Variants in UNC13C observed in about 807,000 individuals in gnomAD.
The protein encoded by UNC13C is unc-13 homolog C.
Under a neutral mutation model 245.4 loss-of-function variants are expected in UNC13C, and 174 were observed. The ratio of observed to expected loss-of-function variants is 0.71; its 90% CI spans 0.63 to 0.80. The LOEUF (loss-of-function observed/expected upper bound fraction) is 0.80. UNC13C is among the 30% of genes least tolerant of loss of function. The pLI, the probability that UNC13C is intolerant of heterozygous loss-of-function variation, is 0.00. For missense variants in UNC13C, 2,829 were observed against 2,602.9 expected (o/e 1.09, Z -1.89); for synonymous variants, 992 against 895.1 (o/e 1.11, Z -1.93).
chr15:54,113,788 T>C (rs568761760), intron 2 of UNC13C, among the ~76,000 whole-genome samples: 1 of 152,094 alleles, frequency 6.6e-6, no homozygotes, highest in Non-Finnish European at 1.5e-5. Context: ...ATCGCACCAC[T>C]GCACTCCAGC....
chr15:53,928,003 G>A, the UNC13C span, among the ~76,000 whole-genome samples: 1 of 152,140 alleles, frequency 6.6e-6, no homozygotes, highest in African/African-American at 2.4e-5. Flanking sequence ...AGAAATAATA[G>A]TTTATTAAAG....
At chr15:54,449,545 C>T (rs557383719) in intron 19 of UNC13C, among the ~76,000 whole-genome samples, 6 of 152,146 alleles carry the variant, frequency 3.9e-5, no homozygotes, top group Non-Finnish European at 8.8e-5. Context: ...TCACTGATAC[C>T]CTTTCTTCCA....
the UNC13C span, among the ~76,000 whole-genome samples, chr15:53,907,182 G>A: frequency 3.9e-5 from 6 of 152,054 alleles, no homozygotes; most frequent in South Asian, 8.3e-4. Context: ...TTTTCTTTGG[G>A]TGTATGAACT....
intron 24 of UNC13C, 87 bp from the exon 25 acceptor site, chr15:54,525,462 C>A: frequency 1.2e-6 from 1 of 831,114 alleles, no homozygotes; most frequent in Non-Finnish European, 1.8e-6. Flanking sequence ...TTTGAAGTTA[C>A]CATATAATAA....
chr15:54,582,247 A>G (rs988189961), intron 30 of UNC13C, among the ~76,000 whole-genome samples: 1 of 152,156 alleles, frequency 6.6e-6, no homozygotes, highest in African/African-American at 2.4e-5. Flanking sequence ...TCAAGCAAGC[A>G]AAGGAGAAAG....
chr15:54,338,285 A>G lies in UNC13C; in HGVS notation c.4585-76A>G, dbSNP rs994333510. 1.4e-5 allele frequency: 20 copies of G among 1,422,970 alleles called. No individual in the cohort carries two copies. In the Admixed American group the frequency reaches 3.4e-4, roughly 24 times the overall value. 88.1% of individuals were successfully genotyped at this position (1,422,970 alleles called of 1,614,324 possible). On this transcript the variant is annotated intron_variant, in intron 16 of 32. Coordinates refer to ENST00000260323, the MANE Select transcript of UNC13C (RefSeq NM_001080534.3). Reference sequence around the variant, plus strand: ...AATCGACTGAAAGTATTTATTGAATATATATTTGAGTAGTTTATACTAGAT... The same window carrying G: ...AATCGACTGAAAGTATTTATTGAATGTATATTTGAGTAGTTTATACTAGAT...
At chr15:53,934,620 G>A in the UNC13C span, among the ~76,000 whole-genome samples, 1 of 152,168 alleles carries the variant, frequency 6.6e-6, no homozygotes, top group Non-Finnish European at 1.5e-5. Context: ...GTCGTAGAAG[G>A]TATATGTCTT....
intron 2 of UNC13C, among the ~76,000 whole-genome samples, chr15:54,134,448 G>A (rs2141221180): frequency 6.6e-6 from 1 of 152,144 alleles, no homozygotes; most frequent in Non-Finnish European, 1.5e-5. Flanking sequence ...GCGTTTGTGT[G>A]TGTATACACA....
At chr15:54,496,725 C>A (rs1474895961) in intron 20 of UNC13C, among the ~76,000 whole-genome samples, 1 of 151,640 alleles carries the variant, frequency 6.6e-6, no homozygotes, top group African/African-American at 2.4e-5. Context: ...AATGGAAAAC[C>A]AAACATTATA....
chr15:54,101,374 C>T (rs1487883747), intron 2 of UNC13C, among the ~76,000 whole-genome samples: 2 of 152,038 alleles, frequency 1.3e-5, no homozygotes, highest in Admixed American at 6.6e-5. Flanking sequence ...AGAGATGTTT[C>T]CTTTTGTTCT....
chr15:54,357,299 A>T (rs549251473), intron 17 of UNC13C, among the ~76,000 whole-genome samples: 1 of 152,072 alleles, frequency 6.6e-6, no homozygotes, highest in Non-Finnish European at 1.5e-5. Context: ...ATTATGAAGT[A>T]TAGAGCAGAA....
intron 17 of UNC13C, among the ~76,000 whole-genome samples, chr15:54,359,798 G>C (rs2039187685): frequency 6.6e-6 from 1 of 151,612 alleles, no homozygotes. Context: ...TGAAAACCAA[G>C]TCTTGGTTTT....
At chr15:54,332,339 T>TGTGTGTGTGTG (rs763306749) in intron 15 of UNC13C, among the ~76,000 whole-genome samples, 39 of 91,060 alleles carry the variant, frequency 4.3e-4, no homozygotes, top group African/African-American at 1.6e-3. Context: ...GTGTGTGTGT[T>TGTGTGTGTGTG]TGTGTATGCA....
intron 19 of UNC13C, among the ~76,000 whole-genome samples, chr15:54,490,803 C>T (rs546994196): frequency 6.6e-6 from 1 of 152,214 alleles, no homozygotes; most frequent in Non-Finnish European, 1.5e-5. Context: ...GACATGCACA[C>T]ATCTTAAATA....
the UNC13C span, among the ~76,000 whole-genome samples, chr15:53,879,049 C>T: frequency 6.6e-6 from 1 of 152,074 alleles, no homozygotes; most frequent in African/African-American, 2.4e-5. Flanking sequence ...GATGACATAC[C>T]TTGAACATTC....
chr15:54,488,955 T>G, intron 19 of UNC13C, among the ~76,000 whole-genome samples: 1 of 152,208 alleles, frequency 6.6e-6, no homozygotes. Context: ...GATGCCATTT[T>G]GTCAACGCAG....
At chr15:54,048,173 C>T (rs1897120796) in intron 2 of UNC13C, among the ~76,000 whole-genome samples, 1 of 152,130 alleles carries the variant, frequency 6.6e-6, no homozygotes, top group Non-Finnish European at 1.5e-5. Context: ...ATAAGCATGG[C>T]ATGTAGGGCT....
At chr15:54,607,658 A>G (rs1311260257) in intron 30 of UNC13C, among the ~76,000 whole-genome samples, 1 of 152,214 alleles carries the variant, frequency 6.6e-6, no homozygotes, top group East Asian at 1.9e-4. Context: ...TACATGAAGC[A>G]TGGCTGGGAG....
chr15:54,431,312 C>T (rs1466466337), intron 19 of UNC13C, among the ~76,000 whole-genome samples: 1 of 151,588 alleles, frequency 6.6e-6, no homozygotes, highest in African/African-American at 2.4e-5. Flanking sequence ...CTCTGAATCA[C>T]AAGCTTTTTT....
Sources: allele counts gnomAD v4.1 joint callset (sites outside exome capture counted in the v4.1 genomes callset), GRCh38; gene constraint gnomAD v4.1.1; transcripts MANE v1.5; gene names NCBI Gene and HGNC (gene_info 2026-07-23, HGNC 2026-07-21).